The following KRT74 variants were observed in gnomAD, a reference collection of about 807,000 sequenced individuals.
KRT74 encodes the protein keratin 74, also known as keratin, type II cytoskeletal 74.
KRT74 carries 43 observed loss-of-function variants against 42.7 expected under a neutral mutation model. The ratio of observed to expected loss-of-function variants is 1.01; its 90% confidence interval spans 0.79 to 1.30. The LOEUF (loss-of-function observed/expected upper bound fraction) is 1.30. Among genes scored for constraint, KRT74 ranks in the 50% most tolerant of loss-of-function variants. KRT74 has a pLI of 0.00. For missense variants in KRT74, 736 were observed against 689.1 expected (o/e 1.07, Z -0.76); for synonymous variants, 302 against 279.0 (o/e 1.08, Z -0.82).
chr12:52,571,414 G>A lies in KRT74; in HGVS notation c.788C>T (p.Ala263Val). The change falls in exon 4 of 9, where the codon GCC becomes GTC. Residue 263 changes from alanine (A) to valine (V), a missense_variant. By Grantham distance (64) the Ala-to-Val change is moderately conservative. Coordinates refer to ENST00000305620, the MANE Select transcript of KRT74 (RefSeq NM_175053.4). ...TTCTTTGTCCAGTGAGTCCACTTTGGCCTGAAGCTCCACCTTGACTGCGTA... is the reference window on the plus strand; with the variant it reads ...TTCTTTGTCCAGTGAGTCCACTTTGACCTGAAGCTCCACCTTGACTGCGTA... ...AAYAVKVELQAKVDSLDKEIK... is the reference protein window; with the variant it reads ...AAYAVKVELQVKVDSLDKEIK... 1.2e-6 allele frequency: 2 copies of A among 1,613,880 alleles called. No individual in the cohort carries two copies. The highest frequency in any genetic ancestry group is 1.7e-6 in the Non-Finnish European group (2 of 1,179,850).
At chr12:52,569,342 T>A (rs958005819) in intron 6 of KRT74, 3 of 176,726 alleles carry the variant, frequency 1.7e-5, no homozygotes, top group Non-Finnish European at 3.4e-5. Context: ...TCGACAGCTG[T>A]GTCCCTCAGT....
rs1159432409 is a variant in KRT74 at position 52,569,907 on chromosome 12, G to A, written c.1086C>T (p.Asn362=). 6.2e-7 allele frequency: 1 copy of A among 1,614,214 alleles called. No homozygotes were observed. The highest frequency in any genetic ancestry group is 8.5e-7 in the Non-Finnish European group (1 of 1,180,034). Residue 362 remains asparagine, a synonymous_variant, in exon 6 of 9, where the codon AAC becomes AAT. Coordinates refer to ENST00000305620, the MANE Select transcript of KRT74 (RefSeq NM_175053.4). ...CACACCGGATCCTCTGGATGAGCCGGTTCAGCTCCACCATCTCGCTCCTGG... is the reference window on the plus strand; with the variant it reads ...CACACCGGATCCTCTGGATGAGCCGATTCAGCTCCACCATCTCGCTCCTGG... ...KHTRSEMVEL[N]RLIQRIRCEI...
chr12:52,570,601 T>C, intron 5 of KRT74, 68 bp downstream of exon 5: 3 of 1,534,136 alleles, frequency 2.0e-6, no homozygotes, highest in Non-Finnish European at 2.7e-6. Flanking sequence ...TTCCTCACAT[T>C]CACTGTGCAG....
chr12:52,572,032 A>G (rs200534943), intron 2 of KRT74, 28 bp from the exon 3 acceptor site: 42 of 1,508,118 alleles, frequency 2.8e-5, no homozygotes, highest in Non-Finnish European at 3.8e-5. Flanking sequence ...AGATGGCCTT[A>G]GCCCCCTTAG....
chr12:52,571,520 C>T, intron 3 of KRT74, 66 bp from the exon 4 acceptor site: 1 of 1,181,422 alleles, frequency 8.5e-7, no homozygotes, highest in Admixed American at 1.7e-5. Flanking sequence ...TGCCCAACTC[C>T]TGCCTCAAAG....
chr12:52,569,425 C>A (rs1170679516), intron 6 of KRT74: 2 of 590,836 alleles, frequency 3.4e-6, no homozygotes, highest in Admixed American at 3.1e-5. Context: ...ATACCCTCTG[C>A]ACCCCACACA....
In KRT74 at chr12:52,570,828, G is replaced by C; in HGVS notation, c.849C>G (p.Ile283Met). The C allele has an allele frequency of 2.5e-6, 4 of 1,614,224 alleles. No individual in the cohort carries two copies. In the East Asian group the frequency reaches 6.7e-5, roughly 27 times the overall value. The part of the protein sequence containing the change: ...KFLKCLYDAE[I>M]AQIQTHASET... The stretch of plus-strand genomic sequence containing the variant: ...CACTGGCGTGAGTCTGGATCTGAGC[G>C]ATCTCCTGCATTGAGAGAGGAAGAC... Residue 283 changes from isoleucine (I) to methionine (M), a missense_variant, in exon 5 of 9, where the codon ATC (isoleucine) becomes ATG (methionine). Coordinates refer to ENST00000305620, the MANE Select transcript of KRT74 (RefSeq NM_175053.4).
chr12:52,567,610 CCAGGGTCCCTGGCTTTCCCA>C, intron 8 of KRT74, 29 bp downstream of exon 8: 1 of 1,419,990 alleles, frequency 7.0e-7, no homozygotes, highest in Non-Finnish European at 1.0e-6. Flanking sequence ...TCACTTTGTC[CCAGGGTCCCTGGCTTTCCCA>C]ACCCAAGGCA....
chr12:52,572,867 G>A (rs1038550793), intron 1 of KRT74, among the ~76,000 whole-genome samples, 200 bp from the exon 2 acceptor site: 41 of 152,156 alleles, frequency 2.7e-4, no homozygotes, highest in African/African-American at 9.7e-4. Context: ...AGGCATCACT[G>A]AGAACTCACT....
At chr12:52,572,787 G>A (rs1592214354) in intron 1 of KRT74, 120 bp from the exon 2 acceptor site, 2 of 875,724 alleles carry the variant, frequency 2.3e-6, no homozygotes, top group East Asian at 5.3e-5. Flanking sequence ...CTCATGTCTT[G>A]ACTCTCCACC....
At chr12:52,567,754 A>G (rs780382522) in intron 7 of KRT74, 61 bp from the exon 8 acceptor site, 179 of 1,223,208 alleles carry the variant, frequency 1.5e-4, no homozygotes, top group Non-Finnish European at 2.0e-4. Context: ...CTAAACATCA[A>G]TGGGCTCCTG....
intron 3 of KRT74, 75 bp downstream of exon 3, chr12:52,571,868 TG>T (rs1165508621): frequency 1.7e-5 from 18 of 1,044,838 alleles, no homozygotes; most frequent in Non-Finnish European, 2.4e-5. Flanking sequence ...CCCAGCCTCC[TG>T]GGCTGAAGTC....
intron 6 of KRT74, 26 bp from the exon 7 acceptor site, chr12:52,568,415 A>G (rs370502412): frequency 1.2e-6 from 2 of 1,610,992 alleles, no homozygotes; most frequent in African/African-American, 2.7e-5. Flanking sequence ...CAGAGAGACC[A>G]TCAGAACAGA....
intron 6 of KRT74, chr12:52,569,586 G>C: frequency 1.7e-6 from 1 of 599,700 alleles, no homozygotes; most frequent in East Asian, 2.8e-5. Flanking sequence ...CCAGCTGGGG[G>C]CTCTGGGAAA....
intron 6 of KRT74, chr12:52,568,596 T>G (rs74571876): frequency 0.019 from 11,794 of 634,126 alleles, 301 homozygotes; most frequent in South Asian, 0.08. Flanking sequence ...GTGGAAGCAG[T>G]TGCATTTCAG....
intron 2 of KRT74, 85 bp from the exon 3 acceptor site, chr12:52,572,089 A>C (rs1592213960): frequency 9.6e-7 from 1 of 1,043,988 alleles, no homozygotes; most frequent in East Asian, 2.4e-5. Flanking sequence ...TTTGGGATAC[A>C]GGGTCCCTGC....
At position 52,573,605 on chromosome 12, in the gene KRT74, C is replaced by A; in HGVS notation, c.173G>T (p.Arg58Leu). 1.2e-6 allele frequency: 2 copies of A among 1,614,184 alleles called. No individual in the cohort carries two copies. The highest frequency in any genetic ancestry group is 1.7e-6 in the Non-Finnish European group (2 of 1,180,040). ...RSLYSLGGNRRISFNVAGGGV... is the reference protein window; with the variant it reads ...RSLYSLGGNRLISFNVAGGGV... ...GCCACCAGCCACATTGAAAGAAATA[C>A]GCCGATTCCCTCCAAGGCTATAGAG... Residue 58 changes from arginine (R) to leucine (L), a missense_variant, in exon 1 of 9, where the codon CGT (arginine) becomes CTT (leucine). Physicochemically the swap from Arg to Leu is moderately radical, Grantham distance 102. Coordinates refer to ENST00000305620, the MANE Select transcript of KRT74 (RefSeq NM_175053.4).
chr12:52,567,559 C>A (rs1016585374), intron 8 of KRT74, 100 bp downstream of exon 8: 27 of 911,230 alleles, frequency 3.0e-5, no homozygotes, highest in Non-Finnish European at 4.6e-5. Flanking sequence ...AAGACAGTAA[C>A]AGAAGCTTCT....
At chr12:52,571,853 C>A in intron 3 of KRT74, 91 bp downstream of exon 3, 1 of 934,112 alleles carries the variant, frequency 1.1e-6, no homozygotes, top group East Asian at 2.4e-5. Flanking sequence ...GGCACCAGCC[C>A]CCTCCCCAGC....
Sources: allele counts gnomAD v4.1 joint callset (sites outside exome capture counted in the v4.1 genomes callset), GRCh38; gene constraint gnomAD v4.1.1; transcripts MANE v1.5; gene names NCBI Gene and HGNC (gene_info 2026-07-23, HGNC 2026-07-21).